SAAL1: variants seen among roughly 807,000 people sequenced by gnomAD.
The protein encoded by SAAL1 is serum amyloid A like 1.
A neutral mutation model predicts 59.8 loss-of-function variants in SAAL1; 42 were observed. The ratio of observed to expected loss-of-function variants is 0.70; its 90% CI spans 0.55 to 0.91. The LOEUF (loss-of-function observed/expected upper bound fraction) is 0.91. Among genes scored for constraint, SAAL1 ranks in the 40% least tolerant of loss-of-function variants. The probability of loss-of-function intolerance (pLI) is 0.00; values close to 1 mark genes in which losing one functional copy is unlikely to be tolerated. For missense variants in SAAL1, 542 were observed against 561.1 expected, an observed-to-expected ratio of 0.97 and a Z score of 0.34; for synonymous variants, 191 against 194.3, an observed-to-expected ratio of 0.98 and a Z score of 0.14.
chr11:18,103,259 T>G lies in SAAL1; in HGVS notation c.223A>C (p.Arg75=). The G allele has an allele frequency of 6.2e-7, 1 of 1,613,334 alleles. No individual in the cohort carries two copies. Among genetic ancestry groups the G allele is most frequent in the South Asian group, 1.1e-5 (1 of 91,060 alleles). ...LDEEMENEIC[R]VWDMSMDEDV... Reference sequence around the variant, plus strand: ...TCATCCATTGACATATCCCATACTCTGCAAATTTCATTCTCCATTTCTTCA... The same window carrying G: ...TCATCCATTGACATATCCCATACTCGGCAAATTTCATTCTCCATTTCTTCA... Residue 75 remains arginine, a synonymous_variant, in exon 2 of 12, where the codon AGA becomes CGA. Transcript: ENST00000524803.
At chr11:18,105,251 C>T (rs2134068078) in intron 1 of SAAL1, among the ~76,000 whole-genome samples, 1 of 152,000 alleles carries the variant, frequency 6.6e-6, no homozygotes, top group South Asian at 2.1e-4. Flanking sequence ...CTCACTGCAG[C>T]CTCCAACTTC....
In SAAL1 at chr11:18,087,165, C is replaced by T; in HGVS notation, c.831G>A (p.Val277=). 6.2e-7 allele frequency: 1 copy of T among 1,613,050 alleles called. No homozygotes were observed. The highest frequency in any genetic ancestry group is 1.3e-5 in the African/African-American group (1 of 75,010). Residue 277 remains valine (V), a synonymous_variant, in exon 8 of 12, where the codon GTG becomes GTA. Transcript: ENST00000524803. ...TACCAATTGCTTGAATTCCATCATCCACTGTAGTAAGCAGTTGTAAAATGT... is the reference window on the plus strand; with the variant it reads ...TACCAATTGCTTGAATTCCATCATCTACTGTAGTAAGCAGTTGTAAAATGT... ...YMHILQLLTT[V]DDGIQAIVHC... is the part of the protein sequence containing the mutation.
rs192914509 is a variant in SAAL1, at chr11:18,090,113, T to C, written c.589+62A>G. The C allele has an allele frequency of 6.0e-4, 854 of 1,418,268 alleles. 9 individuals are homozygous for C. In the African/African-American group the frequency reaches 0.011, roughly 18 times the overall value. 87.9% of individuals were successfully genotyped at this position (1,418,268 alleles called of 1,614,324 possible). On this transcript the variant is annotated intron_variant, in intron 6 of 11. Coordinates refer to ENST00000524803, the MANE Select transcript of SAAL1 (RefSeq NM_138421.3). ...AAGGTGACTTCTAGAAATAGTTACA[T>C]GGTTTCCTAAAAATTAGATACAATT...
intron 10 of SAAL1, among the ~76,000 whole-genome samples, chr11:18,082,375 T>C (rs1848419756): frequency 6.6e-6 from 1 of 152,194 alleles, no homozygotes; most frequent in African/African-American, 2.4e-5. Context: ...CACAATTTAT[T>C]ACCTGAACTT....
At chr11:18,086,743 T>C in intron 9 of SAAL1, 123 bp downstream of exon 9, 3 of 485,688 alleles carry the variant, frequency 6.2e-6, no homozygotes, top group Non-Finnish European at 1.0e-5. Context: ...ATAAATATGA[T>C]AATAAAATAA....
rs1229550097 is a variant in SAAL1, at chr11:18,102,397, C to CA, written c.249+835dup. On this transcript the variant is annotated intron_variant, in intron 2 of 11. Transcript: ENST00000524803. ...AGCCTAGGTGATAGAGACTCCATCT[C>CA]AAAAAAAAAAAAAAAATCAATGTCA... Among the ~76,000 whole-genome samples, 220 of 97,706 alleles carry CA rather than the reference C, an allele frequency of 2.3e-3. 1 individual carries two copies. Among genetic ancestry groups the CA allele is most frequent in the South Asian group, 8.2e-3 (26 of 3,158 alleles). 64.1% of individuals were successfully genotyped at this position (97,706 alleles called of 152,430 possible).
At chr11:18,097,802 T>G (rs1312657536) in intron 2 of SAAL1, among the ~76,000 whole-genome samples, 1 of 149,566 alleles carries the variant, frequency 6.7e-6, no homozygotes. Context: ...ACTTTGCCAC[T>G]GTACTCCAGC....
At chr11:18,089,196 G>T in intron 7 of SAAL1, 134 bp downstream of exon 7, 1 of 694,062 alleles carries the variant, frequency 1.4e-6, no homozygotes, top group Non-Finnish European at 2.2e-6. Context: ...ACAAATAGTA[G>T]TAGTGAATTA....
At chr11:18,094,685 T>C (rs1316845706) in intron 3 of SAAL1, among the ~76,000 whole-genome samples, 1 of 151,774 alleles carries the variant, frequency 6.6e-6, no homozygotes, top group Non-Finnish European at 1.5e-5. Flanking sequence ...AAAAAGCCAA[T>C]GAAAGGTGAG....
chr11:18,086,676 G>A (rs112658389), intron 9 of SAAL1, among the ~76,000 whole-genome samples, 190 bp downstream of exon 9: 7,545 of 152,068 alleles, frequency 0.05, 636 homozygotes, highest in African/African-American at 0.17. Context: ...ACTCCAGCCT[G>A]TGCAACACAG....
chr11:18,105,981 C>T lies in SAAL1; in HGVS notation c.61G>A (p.Ala21Thr). ...GRDKEEEEEV[A>T]GGDCIGSTVY... ...GTGCTCCCTATGCAGTCTCCACCGG[C>T]CACCTCCTCCTCCTCCTCCTTGTCG... Residue 21 changes from alanine (A) to threonine (T), a missense_variant, in exon 1 of 12, where the codon GCC (alanine) becomes ACC (threonine). Coordinates refer to ENST00000524803, the MANE Select transcript of SAAL1 (RefSeq NM_138421.3). 1 of 1,610,032 alleles carries T rather than the reference C, an allele frequency of 6.2e-7. No homozygotes were observed. Among genetic ancestry groups the T allele is most frequent in the Non-Finnish European group, 8.5e-7 (1 of 1,178,908 alleles).
intron 9 of SAAL1, among the ~76,000 whole-genome samples, chr11:18,084,926 T>C (rs1490446139): frequency 6.6e-6 from 1 of 152,102 alleles, no homozygotes; most frequent in Non-Finnish European, 1.5e-5. Flanking sequence ...TCACCAAGCC[T>C]GGCTAATTTT....
intron 10 of SAAL1, 139 bp from the exon 11 acceptor site, chr11:18,081,642 A>G: frequency 1.5e-6 from 1 of 647,638 alleles, no homozygotes; most frequent in East Asian, 2.7e-5. Flanking sequence ...CACCAACATC[A>G]AGGAGGCTTA....
chr11:18,103,263 A>G lies in SAAL1; in HGVS notation c.219T>C (p.Ile73=), dbSNP rs778043764. The change falls in exon 2 of 12, where the codon ATT becomes ATC. Residue 73 remains isoleucine (I), a synonymous_variant. Coordinates refer to ENST00000524803, the MANE Select transcript of SAAL1 (RefSeq NM_138421.3). ...TELDEEMENE[I]CRVWDMSMDE... ...CCATTGACATATCCCATACTCTGCA[A>G]ATTTCATTCTCCATTTCTTCATCAA... 1.9e-6 allele frequency: 3 copies of G among 1,613,832 alleles called. No homozygotes were observed. The highest frequency in any genetic ancestry group is 2.2e-5 in the South Asian group (2 of 91,076).
chr11:18,090,126 A>T, intron 6 of SAAL1, 49 bp downstream of exon 6: 1 of 1,472,476 alleles, frequency 6.8e-7, no homozygotes, highest in Non-Finnish European at 9.1e-7. Context: ...TTTCCTAAAA[A>T]TTAGATACAA....
At chr11:18,093,084 A>G (rs1227265537) in intron 3 of SAAL1, among the ~76,000 whole-genome samples, 9 of 152,224 alleles carry the variant, frequency 5.9e-5, no homozygotes, top group Non-Finnish European at 1.0e-4. Context: ...TTTGTTCAAC[A>G]TATCCACACT....
intron 2 of SAAL1, 68 bp downstream of exon 2, chr11:18,103,165 G>GTT (rs757298196): frequency 1.8e-6 from 2 of 1,083,712 alleles, no homozygotes; most frequent in Non-Finnish European, 1.4e-6. Flanking sequence ...GGACTGAACC[G>GTT]TTTTTAAAAC....
chr11:18,096,160 A>G (rs776678589), intron 3 of SAAL1, among the ~76,000 whole-genome samples: 2 of 152,234 alleles, frequency 1.3e-5, no homozygotes, highest in African/African-American at 2.4e-5. Flanking sequence ...TACTAGCAGC[A>G]TAACAGTGGT....
At chr11:18,081,868 A>C in intron 10 of SAAL1, 1 of 180,684 alleles carries the variant, frequency 5.5e-6, no homozygotes, top group Non-Finnish European at 1.2e-5. Context: ...GGCTGCCATC[A>C]TTTTTCAGAT....
Sources: allele counts gnomAD v4.1 joint callset (sites outside exome capture counted in the v4.1 genomes callset), GRCh38; gene constraint gnomAD v4.1.1; transcripts MANE v1.5; gene names NCBI Gene and HGNC (gene_info 2026-07-23, HGNC 2026-07-21).